The following RGS6 variants were observed in gnomAD, a reference collection of about 807,000 sequenced individuals.
RGS6 encodes regulator of G protein signaling 6.
Under a neutral mutation model 78.5 loss-of-function variants are expected in RGS6, and 30 were observed. The ratio of observed to expected loss-of-function variants is 0.38; its 90% CI spans 0.29 to 0.52. RGS6 has a LOEUF of 0.52. Ranked by LOEUF, RGS6 falls within the 20% of genes least tolerant of loss-of-function variation. RGS6 has a pLI of 0.85. For synonymous variants in RGS6, 206 were observed against 206.0 expected, an observed-to-expected ratio of 1.00 and a Z score of 0.00; for missense variants, 495 against 609.7, an observed-to-expected ratio of 0.81 and a Z score of 1.98.
At chr14:72,195,094 G>A (rs2039722313) in intron 2 of RGS6, among the ~76,000 whole-genome samples, 1 of 152,118 alleles carries the variant, frequency 6.6e-6, no homozygotes, top group Non-Finnish European at 1.5e-5. Context: ...TGTAATCACA[G>A]TTACTCAGGA....
rs912218694 is a variant in RGS6 at position 72,249,522 on chromosome 14, A to G, written c.85-102573A>G. Among the ~76,000 whole-genome samples the G allele has an allele frequency of 3.3e-5, 5 of 152,230 alleles. No homozygotes were observed. In the East Asian group the frequency reaches 7.7e-4, roughly 23 times the overall value. ...GCCAAAGAGGCCTATTTGGATGGGC[A>G]TATTCTGGTTTCCTACAATCATATG... On this transcript the variant is annotated intron_variant, in intron 2 of 17. Transcript: ENST00000553525.
At chr14:72,317,352 A>T (rs1567737324) in intron 2 of RGS6, among the ~76,000 whole-genome samples, 1 of 152,132 alleles carries the variant, frequency 6.6e-6, no homozygotes, top group Non-Finnish European at 1.5e-5. Flanking sequence ...TTCTGTCTAG[A>T]TTCATCTTTT....
At chr14:72,616,123 A>G in the RGS6 span, among the ~76,000 whole-genome samples, 2 of 152,168 alleles carry the variant, frequency 1.3e-5, no homozygotes, top group African/African-American at 4.8e-5. Flanking sequence ...CACCTTGAAT[A>G]CCTGCAAAGA....
At chr14:72,569,223 A>G (rs2097717479), downstream of RGS6, among the ~76,000 whole-genome samples, 1 of 152,226 alleles carries the variant, frequency 6.6e-6, no homozygotes, top group African/African-American at 2.4e-5. Flanking sequence ...CAGTTTTGAC[A>G]AACATATACA....
intron 2 of RGS6, among the ~76,000 whole-genome samples, chr14:72,049,539 G>C (rs1366818315): frequency 6.6e-6 from 1 of 152,206 alleles, no homozygotes; most frequent in East Asian, 1.9e-4. Flanking sequence ...CCCATCAGTA[G>C]ACAGAGAAAG....
chr14:72,084,714 G>A (rs1415825752), intron 2 of RGS6, among the ~76,000 whole-genome samples: 1 of 151,674 alleles, frequency 6.6e-6, no homozygotes, highest in Non-Finnish European at 1.5e-5. Flanking sequence ...GCCTGCATAT[G>A]TCTGGTCAAA....
chr14:71,897,604 T>G, the RGS6 span, among the ~76,000 whole-genome samples: 2 of 152,122 alleles, frequency 1.3e-5, no homozygotes, highest in African/African-American at 4.8e-5. Context: ...CACCACAACC[T>G]CCACCTCCTG....
At chr14:71,970,573 T>G (rs1375307610) in intron 2 of RGS6, among the ~76,000 whole-genome samples, 1 of 152,176 alleles carries the variant, frequency 6.6e-6, no homozygotes, top group African/African-American at 2.4e-5. Flanking sequence ...TGGTTTGGAA[T>G]TCATAGAGGG....
chr14:72,541,274 G>A, intron 17 of RGS6: 1 of 1,449,436 alleles, frequency 6.9e-7, no homozygotes, highest in Non-Finnish European at 9.2e-7. Flanking sequence ...AAAAGTCTAA[G>A]GCTCCTGGGT....
At chr14:71,933,022 C>T (rs2088093132) in intron 1 of RGS6, 81 bp downstream of exon 1, 1 of 152,256 alleles carries the variant, frequency 6.6e-6, no homozygotes, top group Non-Finnish European at 1.5e-5. Context: ...CCCTCCCCAC[C>T]CCATTAATAT....
intron 2 of RGS6, among the ~76,000 whole-genome samples, chr14:72,253,162 C>T (rs2056237832): frequency 2.6e-5 from 4 of 152,312 alleles, no homozygotes; most frequent in Admixed American, 2.0e-4. Context: ...TATCCACATC[C>T]GTGCTTAGGC....
intron 2 of RGS6, among the ~76,000 whole-genome samples, chr14:72,158,919 A>G (rs1360816240): frequency 6.6e-6 from 1 of 152,214 alleles, no homozygotes; most frequent in Admixed American, 6.5e-5. Context: ...TGTGGCATTC[A>G]GCAAGTTACT....
At chr14:72,258,025 C>T (rs2057414712) in intron 2 of RGS6, among the ~76,000 whole-genome samples, 1 of 152,214 alleles carries the variant, frequency 6.6e-6, no homozygotes. Context: ...AATCCAAATA[C>T]ATTGGAACCA....
At chr14:72,265,796 T>C (rs1254927603) in intron 2 of RGS6, among the ~76,000 whole-genome samples, 1 of 152,154 alleles carries the variant, frequency 6.6e-6, no homozygotes, top group Admixed American at 6.5e-5. Flanking sequence ...TCCACTTTCC[T>C]GGCCTTCCCC....
At chr14:72,358,782 T>C (rs2080882331) in intron 3 of RGS6, among the ~76,000 whole-genome samples, 1 of 152,190 alleles carries the variant, frequency 6.6e-6, no homozygotes, top group Non-Finnish European at 1.5e-5. Flanking sequence ...ATTAAGATTT[T>C]GGGGGACTGT....
At chr14:72,529,904 G>C (rs2097161695) in intron 15 of RGS6, among the ~76,000 whole-genome samples, 1 of 152,224 alleles carries the variant, frequency 6.6e-6, no homozygotes, top group Non-Finnish European at 1.5e-5. Context: ...TGACATTAGA[G>C]GCCGATTTGT....
chr14:72,248,262 C>T (rs898571869), intron 2 of RGS6, among the ~76,000 whole-genome samples: 3 of 152,044 alleles, frequency 2.0e-5, no homozygotes, highest in Middle Eastern at 3.2e-3. Flanking sequence ...ATAGATTTAG[C>T]GTGGAAGCAG....
chr14:72,474,342 T>C (rs568887862), intron 9 of RGS6, among the ~76,000 whole-genome samples: 2 of 152,314 alleles, frequency 1.3e-5, no homozygotes, highest in South Asian at 4.1e-4. Flanking sequence ...AAAAAAAAAT[T>C]TTAAGGACTG....
At chr14:72,233,180 T>G (rs775922011) in intron 2 of RGS6, among the ~76,000 whole-genome samples, 6 of 152,232 alleles carry the variant, frequency 3.9e-5, no homozygotes, top group Non-Finnish European at 7.3e-5. Flanking sequence ...CAAAGTGCTC[T>G]GATTCTAATG....
Sources: gnomAD v4.1 joint callset for allele counts (sites outside exome capture counted in the v4.1 genomes callset) on GRCh38, gnomAD v4.1.1 for gene constraint, MANE v1.5 for transcripts, NCBI Gene and HGNC (gene_info 2026-07-23, HGNC 2026-07-21) for gene names.